The following MARCHF1 variants were observed in gnomAD, a reference collection of about 807,000 sequenced individuals.
The protein encoded by MARCHF1 is membrane associated ring-CH-type finger 1, also known as E3 ubiquitin-protein ligase MARCHF1.
A neutral mutation model predicts 54.2 loss-of-function variants in MARCHF1; 40 were observed. The observed-to-expected ratio is 0.74, with a 90% CI of 0.57 to 0.96. The LOEUF is 0.96. Among genes scored for constraint, MARCHF1 ranks in the 40% least tolerant of loss-of-function variants. The pLI is 0.00. For missense variants in MARCHF1, 586 were observed against 656.5 expected (o/e 0.89, Z 1.17); for synonymous variants, 236 against 236.3 (o/e 1.00, Z 0.01).
intron 3 of MARCHF1, among the ~76,000 whole-genome samples, chr4:163,886,497 G>C (rs949179339): frequency 6.6e-6 from 1 of 151,884 alleles, no homozygotes; most frequent in Non-Finnish European, 1.5e-5. Flanking sequence ...AAAAATACTG[G>C]TGCAGCATTA....
At chr4:163,857,057 G>C (rs1157325470) in intron 3 of MARCHF1, among the ~76,000 whole-genome samples, 1 of 108,140 alleles carries the variant, frequency 9.2e-6, no homozygotes, top group Admixed American at 9.0e-5. Context: ...TAAATAAATA[G>C]TCTCAAAAGA....
At chr4:163,722,414 T>G (rs1745503238) in intron 4 of MARCHF1, among the ~76,000 whole-genome samples, 1 of 152,304 alleles carries the variant, frequency 6.6e-6, no homozygotes, top group East Asian at 1.9e-4. Context: ...ATAATTTCTG[T>G]TCTTTTACAT....
intron 5 of MARCHF1, among the ~76,000 whole-genome samples, chr4:163,652,439 C>A (rs540888950): frequency 5.3e-5 from 8 of 151,896 alleles, no homozygotes; most frequent in Non-Finnish European, 1.0e-4. Context: ...CACACTAAGA[C>A]CTCTCCTGGA....
At chr4:164,217,938 C>G (rs1418598340) in intron 1 of MARCHF1, among the ~76,000 whole-genome samples, 2 of 151,794 alleles carry the variant, frequency 1.3e-5, no homozygotes, top group Non-Finnish European at 2.9e-5. Context: ...CAAACAATTT[C>G]AAAAAAAGAT....
chr4:163,686,743 A>G (rs376762430), intron 5 of MARCHF1, among the ~76,000 whole-genome samples: 14 of 152,256 alleles, frequency 9.2e-5, no homozygotes, highest in Admixed American at 6.5e-4. Context: ...CTCAACTGAC[A>G]TAAGAAAAAT....
At chr4:164,110,382 T>C (rs1040867257) in intron 2 of MARCHF1, among the ~76,000 whole-genome samples, 1 of 151,838 alleles carries the variant, frequency 6.6e-6, no homozygotes, top group Admixed American at 6.6e-5. Context: ...AAAATTTGTC[T>C]TTCTAAAGTT....
intron 1 of MARCHF1, among the ~76,000 whole-genome samples, chr4:164,158,562 A>C (rs1360915906): frequency 6.6e-6 from 1 of 152,158 alleles, no homozygotes; most frequent in Non-Finnish European, 1.5e-5. Flanking sequence ...AATCACTTGA[A>C]CCAGGGAGGC....
intron 4 of MARCHF1, among the ~76,000 whole-genome samples, chr4:163,839,453 T>C (rs770435566): frequency 7.2e-5 from 11 of 152,166 alleles, no homozygotes; most frequent in Non-Finnish European, 1.5e-4. Context: ...CGCCAAGAAG[T>C]GAAAACAACC....
intron 4 of MARCHF1, among the ~76,000 whole-genome samples, chr4:163,710,040 T>C (rs1320883913): frequency 6.6e-6 from 1 of 152,186 alleles, no homozygotes; most frequent in Non-Finnish European, 1.5e-5. Flanking sequence ...CAAATTTTCT[T>C]AAAAATGAAC....
chr4:164,121,626 T>C (rs1338169173), intron 1 of MARCHF1, among the ~76,000 whole-genome samples: 1 of 152,024 alleles, frequency 6.6e-6, no homozygotes, highest in African/African-American at 2.4e-5. Flanking sequence ...GAAGCACAAT[T>C]AAAGATGAGA....
intron 1 of MARCHF1, among the ~76,000 whole-genome samples, chr4:164,217,536 G>C (rs2111137901): frequency 6.6e-6 from 1 of 152,244 alleles, no homozygotes; most frequent in Middle Eastern, 3.4e-3. Flanking sequence ...CCCAAAACCA[G>C]TCATTTTAAT....
intron 1 of MARCHF1, among the ~76,000 whole-genome samples, chr4:164,354,340 T>C (rs1397548966): frequency 7.4e-6 from 1 of 135,862 alleles, no homozygotes; most frequent in Non-Finnish European, 1.6e-5. Flanking sequence ...ATATCCTTGA[T>C]GAACATTGAT....
At chr4:164,092,169 A>C (rs1755319124) in intron 2 of MARCHF1, among the ~76,000 whole-genome samples, 2 of 151,982 alleles carry the variant, frequency 1.3e-5, no homozygotes, top group Non-Finnish European at 2.9e-5. Context: ...CAGCTGGGGG[A>C]AACAGCCAGC....
At chr4:163,748,425 A>T (rs961925859) in intron 4 of MARCHF1, among the ~76,000 whole-genome samples, 1 of 148,298 alleles carries the variant, frequency 6.7e-6, no homozygotes, top group Non-Finnish European at 1.5e-5. Flanking sequence ...AAAAAAAAAG[A>T]TCCCACAAGC....
At chr4:164,155,631 G>C (rs1418056345) in intron 1 of MARCHF1, among the ~76,000 whole-genome samples, 1 of 152,062 alleles carries the variant, frequency 6.6e-6, no homozygotes, top group Non-Finnish European at 1.5e-5. Context: ...GCTAAATAAT[G>C]TATACATTGA....
At chr4:164,148,638 TTTA>T (rs1378274205) in intron 1 of MARCHF1, among the ~76,000 whole-genome samples, 1 of 152,142 alleles carries the variant, frequency 6.6e-6, no homozygotes, top group Non-Finnish European at 1.5e-5. Context: ...AAAAATAAAA[TTTA>T]TTGTTATAAG....
Position 164,170,776 on chromosome 4 carries a change from T to C in MARCHF1, c.-322-59114A>G, listed in dbSNP as rs574912346. 1.8e-4 allele frequency among the ~76,000 whole-genome samples: 27 copies of C among 152,188 alleles called. No individual in the cohort carries two copies. In the South Asian group the frequency reaches 3.1e-3, roughly 18 times the overall value. On this transcript the variant is annotated intron_variant, in intron 1 of 9. Coordinates refer to ENST00000514618, the MANE Select transcript of MARCHF1 (RefSeq NM_001394959.1). ...TTTCGAAGGACATATAAAAGTTAAA[T>C]AGTAGGAAAAAATTTATTCAAAACT...
At chr4:163,548,441 G>C (rs185550960) in intron 8 of MARCHF1, among the ~76,000 whole-genome samples, 2 of 152,252 alleles carry the variant, frequency 1.3e-5, no homozygotes, top group Non-Finnish European at 2.9e-5. Flanking sequence ...AAAAAGTAAG[G>C]CTCCTCAAAT....
chr4:163,893,930 T>C (rs906519260), intron 3 of MARCHF1, among the ~76,000 whole-genome samples: 1 of 152,128 alleles, frequency 6.6e-6, no homozygotes, highest in Non-Finnish European at 1.5e-5. Flanking sequence ...GATAAGAAAC[T>C]GGTTACCTAC....
Sources: gnomAD v4.1 joint callset for allele counts (sites outside exome capture counted in the v4.1 genomes callset) on GRCh38, gnomAD v4.1.1 for gene constraint, MANE v1.5 for transcripts, NCBI Gene and HGNC (gene_info 2026-07-23, HGNC 2026-07-21) for gene names.